C2CD3: variants seen among roughly 807,000 people sequenced by gnomAD.
The protein encoded by C2CD3 is C2 domain containing 3 centriole elongation regulator.
In C2CD3, 148 loss-of-function variants were observed where a neutral mutation model predicts 234.0. That is an observed-to-expected ratio of 0.63 (90% CI 0.55 to 0.72). The LOEUF (loss-of-function observed/expected upper bound fraction) is 0.72, where lower values mean the gene tolerates loss of function less well. Among genes scored for constraint, C2CD3 ranks in the 30% least tolerant of loss-of-function variants. C2CD3 has a pLI of 0.00. For missense variants in C2CD3, 2,577 were observed against 2,811.5 expected, an observed-to-expected ratio of 0.92 and a Z score of 1.89; for synonymous variants, 1,000 against 1,035.4, an observed-to-expected ratio of 0.97 and a Z score of 0.66.
intron 2 of C2CD3, among the ~76,000 whole-genome samples, chr11:74,163,940 A>G (rs1856637887): frequency 6.6e-6 from 1 of 152,166 alleles, no homozygotes; most frequent in African/African-American, 2.4e-5. Flanking sequence ...TTCTCTTAAC[A>G]ACTCTACGAT....
chr11:74,039,986 C>T (rs535083599), intron 29 of C2CD3, among the ~76,000 whole-genome samples: 18 of 152,324 alleles, frequency 1.2e-4, no homozygotes, highest in African/African-American at 3.4e-4. Context: ...ATTACTTCTT[C>T]GTAAAATAAC....
chr11:74,156,058 G>A (rs192472976), intron 3 of C2CD3, among the ~76,000 whole-genome samples: 9 of 152,084 alleles, frequency 5.9e-5, no homozygotes, highest in Admixed American at 2.0e-4. Context: ...GGCAGATCAT[G>A]AGGTCAGGAG....
chr11:74,117,126 A>G lies in C2CD3; in HGVS notation c.1520+1102T>C, dbSNP rs866789224. Among the ~76,000 whole-genome samples the G allele has an allele frequency of 4.5e-5, 2 of 44,288 alleles. 1 individual carries two copies. Among genetic ancestry groups the G allele is most frequent in the Non-Finnish European group, 7.4e-5 (2 of 26,988 alleles). The allele number at this position is 44,288 out of a possible 152,430, so 29.1% of individuals were successfully genotyped here. The stretch of plus-strand genomic sequence containing the variant: ...AATATATATATATGAATATATATAT[A>G]TGAATATATATATATGAATATATAT... On this transcript the variant is annotated intron_variant, in intron 9 of 32. Transcript: ENST00000334126.
chr11:74,066,989 G>A (rs1234174443), intron 24 of C2CD3, among the ~76,000 whole-genome samples: 1 of 151,986 alleles, frequency 6.6e-6, no homozygotes, highest in Non-Finnish European at 1.5e-5. Flanking sequence ...AATTCATGAA[G>A]GTTTTATATT....
At position 74,013,359 on chromosome 11, in the gene C2CD3, C is replaced by T; in HGVS notation, c.*26G>A. On this transcript the variant is annotated 3_prime_UTR_variant, in exon 33 of 33. Transcript: ENST00000334126. Reference sequence around the variant, plus strand: ...GCTGACGGAGGGTGGGCAGGTGTCTCCTTCCCCCCAGCCCCTCAGGCTGCG... The same window carrying T: ...GCTGACGGAGGGTGGGCAGGTGTCTTCTTCCCCCCAGCCCCTCAGGCTGCG... 1.3e-6 allele frequency: 1 copy of T among 777,132 alleles called. No individual in the cohort carries two copies. Among genetic ancestry groups the T allele is most frequent in the East Asian group, 3.3e-5 (1 of 30,276 alleles). 48.1% of individuals were successfully genotyped at this position (777,132 alleles called of 1,614,324 possible). A position where few individuals can be genotyped will look rare whatever the true frequency, so the allele number is the denominator to read the frequency against.
intron 14 of C2CD3, 108 bp from the exon 15 acceptor site, chr11:74,100,784 A>T: frequency 6.8e-6 from 6 of 882,320 alleles, no homozygotes; most frequent in Non-Finnish European, 1.0e-5. Context: ...GTTAACACAC[A>T]GTGTTATGAG....
intron 2 of C2CD3, among the ~76,000 whole-genome samples, chr11:74,162,672 G>GA (rs1229315918): frequency 6.6e-6 from 1 of 151,984 alleles, no homozygotes; most frequent in East Asian, 1.9e-4. Context: ...ACACACTGAG[G>GA]AAAAAATAAA....
chr11:74,012,812 T>A lies in C2CD3; in HGVS notation c.*573A>T, dbSNP rs995898081. ...ATAAGTTAAAAGCATGGTTAGAATT[T>A]TAGACAATCAGATAAAAAGTTTGAA... On this transcript the variant is annotated 3_prime_UTR_variant, in exon 33 of 33. Transcript: ENST00000334126. The A allele has an allele frequency of 1.3e-5, 2 of 152,186 alleles. No homozygotes were observed. The highest frequency in any genetic ancestry group is 4.8e-5 in the African/African-American group (2 of 41,434). The allele number at this position is 152,186 out of a possible 1,614,324, so 9.4% of individuals were successfully genotyped here. A position where few individuals can be genotyped will look rare whatever the true frequency, so the allele number is the denominator to read the frequency against.
intron 9 of C2CD3, among the ~76,000 whole-genome samples, chr11:74,115,463 T>C (rs1316133337): frequency 2.0e-5 from 3 of 151,950 alleles, no homozygotes; most frequent in Non-Finnish European, 4.4e-5. Flanking sequence ...ACAGTACACA[T>C]ACAACCTAGA....
chr11:74,053,885 A>C (rs1565233304), intron 26 of C2CD3, among the ~76,000 whole-genome samples: 1 of 152,012 alleles, frequency 6.6e-6, no homozygotes, highest in East Asian at 1.9e-4. Flanking sequence ...TGGGAGGCTG[A>C]GGCAGGAGAT....
intron 24 of C2CD3, among the ~76,000 whole-genome samples, chr11:74,060,606 AC>A (rs771225288): frequency 1.3e-5 from 2 of 152,200 alleles, no homozygotes; most frequent in Admixed American, 6.5e-5. Context: ...CCACACCAAA[AC>A]CCCATGTGGA....
At chr11:74,057,209 T>A (rs1401724590) in intron 25 of C2CD3, among the ~76,000 whole-genome samples, 197 bp downstream of exon 25, 2 of 152,308 alleles carry the variant, frequency 1.3e-5, no homozygotes, top group South Asian at 2.1e-4. Flanking sequence ...TGAGAAGAGT[T>A]AAAAACACTA....
intron 24 of C2CD3, among the ~76,000 whole-genome samples, chr11:74,064,217 C>A (rs1242579085): frequency 6.6e-6 from 1 of 152,084 alleles, no homozygotes; most frequent in African/African-American, 2.4e-5. Flanking sequence ...TCCCTATAAG[C>A]AACTTCAGCA....
intron 2 of C2CD3, among the ~76,000 whole-genome samples, chr11:74,161,883 A>T (rs1856499727): frequency 6.8e-6 from 1 of 147,274 alleles, no homozygotes; most frequent in South Asian, 2.1e-4. Flanking sequence ...TGGCACAATC[A>T]TAGTTCACTG....
chr11:74,141,158 T>C (rs971938493), intron 3 of C2CD3, among the ~76,000 whole-genome samples: 3 of 152,220 alleles, frequency 2.0e-5, no homozygotes, highest in Non-Finnish European at 2.9e-5. Context: ...TGTTTTACGA[T>C]GTCTCTGGGA....
intron 5 of C2CD3, among the ~76,000 whole-genome samples, chr11:74,136,662 A>C (rs987215304): frequency 1.3e-5 from 2 of 152,192 alleles, no homozygotes; most frequent in African/African-American, 4.8e-5. Flanking sequence ...ATCAGTGCTC[A>C]ATAAGTGGCA....
At chr11:74,158,472 C>T (rs1462901967) in intron 3 of C2CD3, among the ~76,000 whole-genome samples, 1 of 152,052 alleles carries the variant, frequency 6.6e-6, no homozygotes, top group African/African-American at 2.4e-5. Context: ...TCTATAATCC[C>T]AGCACTTTGG....
intron 29 of C2CD3, among the ~76,000 whole-genome samples, chr11:74,041,539 G>A (rs1953058032): frequency 6.6e-6 from 1 of 152,176 alleles, no homozygotes; most frequent in Admixed American, 6.5e-5. Context: ...GAGATGGGCA[G>A]AGCAAGGATT....
rs536669573 is a variant in C2CD3, at chr11:74,015,480, C to T, written c.6922-1955G>A. 3.3e-5 allele frequency among the ~76,000 whole-genome samples: 5 copies of T among 152,292 alleles called. No individual in the cohort carries two copies. The South Asian group carries it at 1.0e-3, about 32-fold the overall frequency. On this transcript the variant is annotated intron_variant, in intron 32 of 32. Coordinates refer to ENST00000334126, the MANE Select transcript of C2CD3 (RefSeq NM_001286577.2). Reference sequence around the variant, plus strand: ...GAGCTATTTGGGATTTAGGATGACACAAGTCCCATTCCTGACCCCCAGCTG... The same window carrying T: ...GAGCTATTTGGGATTTAGGATGACATAAGTCCCATTCCTGACCCCCAGCTG...
Sources: allele counts gnomAD v4.1 joint callset (sites outside exome capture counted in the v4.1 genomes callset), GRCh38; gene constraint gnomAD v4.1.1; transcripts MANE v1.5; gene names NCBI Gene and HGNC (gene_info 2026-07-23, HGNC 2026-07-21).